The following MGAM variants were observed in gnomAD, a reference collection of about 807,000 sequenced individuals.
The protein encoded by MGAM is maltase-glucoamylase.
Under a neutral mutation model 358.8 loss-of-function variants are expected in MGAM, and 253 were observed. The observed-to-expected ratio is 0.71, with a 90% confidence interval of 0.64 to 0.78. The LOEUF is 0.78. Among genes scored for constraint, MGAM ranks in the 30% least tolerant of loss-of-function variants. The probability of loss-of-function intolerance (pLI) is 0.00; values close to 1 mark genes in which losing one functional copy is unlikely to be tolerated. For missense variants in MGAM, 3,080 were observed against 3,432.6 expected (o/e 0.90, Z 2.57); for synonymous variants, 1,105 against 1,227.1 (o/e 0.90, Z 2.08).
chr7:142,074,568 G>T (rs1387424665), intron 45 of MGAM, among the ~76,000 whole-genome samples: 1 of 146,216 alleles, frequency 6.8e-6, no homozygotes, highest in Non-Finnish European at 1.5e-5. Context: ...TACTGTTCTA[G>T]TGTGTACTCA....
At position 142,092,151 on chromosome 7, in the gene MGAM, G is replaced by A. The variant is rs180746704; in HGVS notation, c.6945+104G>A. ...AGTCAAGAGGATAGTCATTGTCCAA[G>A]GAAGACTTTGGACATATCAGACACT... is the stretch of plus-strand genomic sequence containing the variant. On this transcript the variant is annotated intron_variant, in intron 58 of 70. Coordinates refer to ENST00000475668, the MANE Select transcript of MGAM (RefSeq NM_001365693.1). The A allele has an allele frequency of 9.9e-5, 138 of 1,397,778 alleles. 10 individuals are homozygous for A. The Admixed American group carries it at 1.6e-3, about 16-fold the overall frequency. The allele number at this position is 1,397,778 out of a possible 1,614,324, so 86.6% of individuals were successfully genotyped here.
At chr7:142,040,948 GTTTGGCCACGA>G in intron 21 of MGAM, 102 bp downstream of exon 21, 1 of 1,391,384 alleles carries the variant, frequency 7.2e-7, no homozygotes, top group Non-Finnish European at 9.7e-7. Context: ...AGCCTCTTTG[GTTTGGCCACGA>G]CTGTTGCAGT....
Position 142,069,146 on chromosome 7 carries a change from A to G in MGAM, c.5061+443A>G, listed in dbSNP as rs367775664. Reference sequence around the variant, plus strand: ...TTGATTAAATACCTCCTTCCATAGCATAGATGCTCAAAGAGGGGCGCTGCA... The same window carrying G: ...TTGATTAAATACCTCCTTCCATAGCGTAGATGCTCAAAGAGGGGCGCTGCA... On this transcript the variant is annotated intron_variant, in intron 43 of 70. Transcript: ENST00000475668. Among the ~76,000 whole-genome samples the G allele has an allele frequency of 2.7e-5, 4 of 146,364 alleles. No individual in the cohort carries two copies. The East Asian group carries it at 6.0e-4, about 22-fold the overall frequency.
intron 51 of MGAM, 38 bp from the exon 52 acceptor site, chr7:142,082,437 C>T: frequency 7.0e-7 from 1 of 1,420,786 alleles, no homozygotes; most frequent in Non-Finnish European, 9.7e-7. Context: ...GGCATAATGT[C>T]TTTTAAACTC....
At chr7:142,017,055 A>G (rs888777536) in intron 3 of MGAM, among the ~76,000 whole-genome samples, 1 of 152,090 alleles carries the variant, frequency 6.6e-6, no homozygotes, top group African/African-American at 2.4e-5. Flanking sequence ...GACATGACAC[A>G]TTCTTTCTAA....
Position 142,062,676 on chromosome 7 carries a change from A to G in MGAM, c.4231A>G (p.Ser1411Gly), listed in dbSNP as rs760625240. The G allele has an allele frequency of 6.2e-7, 1 of 1,610,280 alleles. No homozygotes were observed. Among genetic ancestry groups the G allele is most frequent in the Non-Finnish European group, 8.5e-7 (1 of 1,178,564 alleles). The change falls in exon 35 of 71, where the codon AGC becomes GGC. Residue 1411 changes from serine (S) to glycine (G), a missense_variant. Transcript: ENST00000475668. ...CAACAATCCACAGAATCCAGAGAGG[A>G]GCTTGAAGTTTGATGGCATGTGGAT... is the stretch of plus-strand genomic sequence containing the variant. ...LYNNPQNPERSLKFDGMWIDM... is the reference protein window; with the variant it reads ...LYNNPQNPERGLKFDGMWIDM...
intron 65 of MGAM, 149 bp downstream of exon 65, chr7:142,096,564 A>G (rs62479368): frequency 0.37 from 306,242 of 837,920 alleles, 41,285 homozygotes; most frequent in Non-Finnish European, 0.41. Flanking sequence ...GCTGAAGTCC[A>G]TCACTTAGGT....
chr7:142,030,453 A>G lies in MGAM; in HGVS notation c.1313A>G (p.Asn438Ser), dbSNP rs1554462911. ...TTTAAAGGCTTCCCTGAATTTGTCA[A>G]CGAGTTACACAATAATGGACAGAAG... is the stretch of plus-strand genomic sequence containing the variant. ...VDFKGFPEFV[N>S]ELHNNGQKLV... Residue 438 changes from asparagine to serine, a missense_variant, in exon 11 of 71, where the codon AAC (asparagine) becomes AGC (serine). By Grantham distance (46) the Asn-to-Ser change is conservative. This residue lies in a region of MGAM where 1,816 missense variants were observed against 1,840.5 expected (regional missense o/e 0.99). Coordinates refer to ENST00000475668, the MANE Select transcript of MGAM (RefSeq NM_001365693.1). The G allele has an allele frequency of 6.2e-7, 1 of 1,613,574 alleles. No individual in the cohort carries two copies. Among genetic ancestry groups the G allele is most frequent in the African/African-American group, 1.3e-5 (1 of 74,882 alleles).
Position 142,102,707 on chromosome 7 carries a change from T to C in MGAM, c.8013+28T>C, listed in dbSNP as rs759798347. 3.7e-6 allele frequency: 6 copies of C among 1,600,532 alleles called. No homozygotes were observed. In the Admixed American group the frequency reaches 6.7e-5, roughly 18 times the overall value. ...GAGTGTGATTGATATGAAGTGAGAA[T>C]AGGGTTCCACTGGCTTAGGAGGGTG... On this transcript the variant is annotated intron_variant, in intron 69 of 70. Transcript: ENST00000475668.
At chr7:142,004,460 T>A (rs1411559440) in intron 1 of MGAM, 1 of 152,038 alleles carries the variant, frequency 6.6e-6, no homozygotes, top group African/African-American at 2.4e-5. Context: ...AAAAACTGCA[T>A]GTTCTCACTT....
chr7:142,023,661 A>G (rs1296272611), intron 7 of MGAM, among the ~76,000 whole-genome samples: 2 of 152,088 alleles, frequency 1.3e-5, no homozygotes, highest in Non-Finnish European at 2.9e-5. Context: ...CCTGGGTGAC[A>G]GAGCGAGACT....
At chr7:142,070,572 C>G (rs1369939397) in intron 43 of MGAM, among the ~76,000 whole-genome samples, 5 of 145,810 alleles carry the variant, frequency 3.4e-5, no homozygotes, top group Non-Finnish European at 7.8e-5. Flanking sequence ...CGGCTGACAT[C>G]TGAGGATTCT....
At chr7:142,044,763 A>G (rs1809808543) in intron 21 of MGAM, among the ~76,000 whole-genome samples, 1 of 91,798 alleles carries the variant, frequency 1.1e-5, no homozygotes, top group South Asian at 3.3e-4. Context: ...ATGATATATA[A>G]TGTATATTAT....
intron 57 of MGAM, among the ~76,000 whole-genome samples, chr7:142,087,724 T>A (rs1483655848): frequency 1.4e-5 from 2 of 146,576 alleles, no homozygotes; most frequent in Non-Finnish European, 3.1e-5. Flanking sequence ...AGCTGACTTG[T>A]GCAGTCAGCA....
At chr7:142,040,008 T>C in intron 19 of MGAM, 107 bp from the exon 20 acceptor site, 1 of 844,136 alleles carries the variant, frequency 1.2e-6, no homozygotes, top group Non-Finnish European at 1.9e-6. Context: ...AAAGGCATAA[T>C]AGCAGGGCAT....
At chr7:142,090,078 T>C (rs1318222889) in intron 57 of MGAM, among the ~76,000 whole-genome samples, 1 of 146,058 alleles carries the variant, frequency 6.8e-6, no homozygotes, top group East Asian at 2.0e-4. Context: ...TGCTAGGTGA[T>C]CCTGAGGCCC....
Position 142,027,625 on chromosome 7 carries a change from G to T in MGAM, c.1111G>T (p.Ala371Ser), listed in dbSNP as rs781833668. Reference sequence around the variant, plus strand: ...TTTCTTTCAGCTCATTGGGCGGCCAGCCCTTCCCTCCTACTGGGCGCTTGG... The same window carrying T: ...TTTCTTTCAGCTCATTGGGCGGCCATCCCTTCCCTCCTACTGGGCGCTTGG... ...QEYLELIGRP[A>S]LPSYWALGFH... The change falls in exon 10 of 71, where the codon GCC becomes TCC. Residue 371 changes from alanine (A) to serine (S), a missense_variant. Physicochemically the swap from Ala to Ser is moderately conservative, Grantham distance 99 (BLOSUM62 1). Coordinates refer to ENST00000475668, the MANE Select transcript of MGAM (RefSeq NM_001365693.1). The T allele has an allele frequency of 6.2e-7, 1 of 1,613,580 alleles. No homozygotes were observed. The highest frequency in any genetic ancestry group is 1.3e-5 in the African/African-American group (1 of 74,920).
In MGAM at chr7:142,040,694, A is replaced by G. The variant is rs144436048; in HGVS notation, c.2374-28A>G. Reference sequence around the variant, plus strand: ...TGAAGGGCAATATGCTGTCATGCCAATGTGTTTGATTTATCTGCATGCATC... The same window carrying G: ...TGAAGGGCAATATGCTGTCATGCCAGTGTGTTTGATTTATCTGCATGCATC... On this transcript the variant is annotated intron_variant, in intron 20 of 70. Coordinates refer to ENST00000475668, the MANE Select transcript of MGAM (RefSeq NM_001365693.1). 284 of 1,610,732 alleles carry G rather than the reference A, an allele frequency of 1.8e-4. 2 individuals carry two copies. The Middle Eastern group carries it at 5.6e-3, about 32-fold the overall frequency.
chr7:141,988,844 G>A lies in MGAM; in HGVS notation c.-2-16685G>A, dbSNP rs1803819427. Among the ~76,000 whole-genome samples the A allele has an allele frequency of 3.3e-5, 5 of 152,158 alleles. No individual in the cohort carries two copies. In the South Asian group the frequency reaches 1.0e-3, roughly 31 times the overall value. On this transcript the variant is annotated intron_variant, in intron 2 of 5. Transcript: ENST00000465654. ...ACAAGGAAATGCTGTAATGTCCTGT[G>A]TACATTGTTTCCACTCTCACCTTCC...
Sources: allele counts gnomAD v4.1 joint callset (sites outside exome capture counted in the v4.1 genomes callset), GRCh38; gene constraint gnomAD v4.1.1; regional missense constraint gnomAD v4.1.1; transcripts MANE v1.5; gene names NCBI Gene and HGNC (gene_info 2026-07-23, HGNC 2026-07-21).